MED27: variants seen among roughly 807,000 people sequenced by gnomAD.
MED27 encodes mediator complex subunit 27.
A neutral mutation model predicts 38.2 loss-of-function variants in MED27; 30 were observed. That is an observed-to-expected ratio of 0.79 (90% CI 0.59 to 1.07). The LOEUF is 1.07. MED27 is among the 50% of genes least tolerant of loss of function. MED27 has a pLI of 0.00. For synonymous variants in MED27, 122 were observed against 153.5 expected (o/e 0.79, Z 1.52); for missense variants, 289 against 397.5 (o/e 0.73, Z 2.32).
rs59965054 is a variant in MED27, at chr9:132,060,502, T to G, written c.348+16940A>C. On this transcript the variant is annotated intron_variant, in intron 2 of 7. Transcript: ENST00000292035. ...TACTACTCCCCCTCCCACCCGACTG[T>G]GACCACTGCACGGTCCCACATGATG... Among the ~76,000 whole-genome samples the G allele has an allele frequency of 2.3e-3, 347 of 152,322 alleles. 1 individual carries two copies. The highest frequency in any genetic ancestry group is 8.0e-3 in the African/African-American group (334 of 41,568).
chr9:131,929,874 G>A (rs912176219), intron 4 of MED27, among the ~76,000 whole-genome samples: 2 of 152,234 alleles, frequency 1.3e-5, no homozygotes, highest in African/African-American at 2.4e-5. Context: ...TGACTGTAGA[G>A]TCCTAGCACC....
At chr9:131,921,813 A>G (rs1830396812) in intron 4 of MED27, among the ~76,000 whole-genome samples, 1 of 152,256 alleles carries the variant, frequency 6.6e-6, no homozygotes. Flanking sequence ...AAAATGTGGT[A>G]CATACACACC....
chr9:131,967,084 G>A (rs1220690482), intron 3 of MED27, among the ~76,000 whole-genome samples: 2 of 152,246 alleles, frequency 1.3e-5, no homozygotes, highest in African/African-American at 4.8e-5. Flanking sequence ...TATGATATGT[G>A]CTTGATATGC....
At chr9:132,052,029 T>G (rs1026993537) in intron 2 of MED27, among the ~76,000 whole-genome samples, 2 of 152,156 alleles carry the variant, frequency 1.3e-5, no homozygotes, top group Non-Finnish European at 2.9e-5. Context: ...ATCCGTGACT[T>G]GCCTCATCCA....
At chr9:131,977,865 C>T (rs186957939) in intron 3 of MED27, among the ~76,000 whole-genome samples, 174 of 152,324 alleles carry the variant, frequency 1.1e-3, no homozygotes, top group African/African-American at 4.0e-3. Flanking sequence ...AGTTATACCA[C>T]AGAGCAACCA....
chr9:131,997,486 A>G lies in MED27; in HGVS notation c.479+16851T>C, dbSNP rs1832115358. On this transcript the variant is annotated intron_variant, in intron 3 of 7. Transcript: ENST00000292035. The surrounding 1 kb of genome is among the most constrained non-coding windows in gnomAD (Gnocchi z 4.0). ...TTGGCCAACACAGGACAAGGCAGGT[A>G]ACCCTGCTGCAGAGATCCCCTGGGT... Among the ~76,000 whole-genome samples, 1 of 152,212 alleles carries G rather than the reference A, an allele frequency of 6.6e-6. No individual in the cohort carries two copies. Among genetic ancestry groups the G allele is most frequent in the African/African-American group, 2.4e-5 (1 of 41,446 alleles).
chr9:131,968,471 CAAAAAAA>C (rs10556528), intron 3 of MED27, among the ~76,000 whole-genome samples: 9 of 98,426 alleles, frequency 9.1e-5, no homozygotes, highest in Non-Finnish European at 1.4e-4. Context: ...GACCCTGTCT[CAAAAAAA>C]AAAAAAAAAA....
chr9:131,931,299 A>G (rs1024319774), intron 4 of MED27, among the ~76,000 whole-genome samples: 5 of 152,116 alleles, frequency 3.3e-5, no homozygotes, highest in African/African-American at 1.2e-4. Context: ...ACAACAGATT[A>G]TAAGATAGTA....
At chr9:132,034,754 C>T (rs1433338159) in intron 2 of MED27, among the ~76,000 whole-genome samples, 2 of 152,114 alleles carry the variant, frequency 1.3e-5, no homozygotes, top group South Asian at 2.1e-4. Flanking sequence ...TTCACCTTCT[C>T]GACTGGCTAT....
At chr9:131,936,147 A>AG (rs1554757789) in intron 4 of MED27, among the ~76,000 whole-genome samples, 1 of 150,470 alleles carries the variant, frequency 6.6e-6, no homozygotes, top group African/African-American at 2.5e-5. Flanking sequence ...AAAAAAAAAA[A>AG]AAAGAAAGAA....
rs887450678 is a variant in MED27, at chr9:131,983,605, T to C, written c.479+30732A>G. Among the ~76,000 whole-genome samples the C allele has an allele frequency of 1.6e-4, 25 of 152,236 alleles. 1 individual carries two copies. Among genetic ancestry groups the C allele is most frequent in the Admixed American group, 3.3e-4 (5 of 15,288 alleles). On this transcript the variant is annotated intron_variant, in intron 3 of 7. Transcript: ENST00000292035. ...TGAATATTTTTAGCATCTAAAAATG[T>C]GCATTTCAGGCAGATATGTAAATAT...
chr9:131,869,148 A>G (rs1838785154), intron 6 of MED27: 1 of 985,304 alleles, frequency 1.0e-6, no homozygotes. Context: ...AATTACAGAA[A>G]TATTTTAATA....
At chr9:131,923,692 C>T (rs1830435481) in intron 4 of MED27, among the ~76,000 whole-genome samples, 1 of 152,180 alleles carries the variant, frequency 6.6e-6, no homozygotes. Flanking sequence ...GCCTCCCCAA[C>T]ACACACCTGC....
intron 2 of MED27, among the ~76,000 whole-genome samples, chr9:132,053,852 C>A (rs1273691166): frequency 6.6e-6 from 1 of 151,796 alleles, no homozygotes; most frequent in Non-Finnish European, 1.5e-5. Context: ...CAGGGGAACA[C>A]TGTTTCTCAT....
intron 3 of MED27, among the ~76,000 whole-genome samples, chr9:131,976,888 A>G (rs1474354700): frequency 6.6e-6 from 1 of 152,242 alleles, no homozygotes; most frequent in Non-Finnish European, 1.5e-5. Context: ...TAAGAACACT[A>G]TAATTAAAAG....
At chr9:131,956,950 G>A (rs1831117223) in intron 3 of MED27, among the ~76,000 whole-genome samples, 2 of 152,088 alleles carry the variant, frequency 1.3e-5, no homozygotes, top group African/African-American at 4.8e-5. Context: ...CCTAAAAGGA[G>A]GCTCAACATC....
intron 2 of MED27, among the ~76,000 whole-genome samples, chr9:132,070,863 C>G (rs909679174): frequency 2.0e-5 from 3 of 151,882 alleles, no homozygotes; most frequent in Admixed American, 6.6e-5. Context: ...AACTGCCCCC[C>G]ACACACTAAT....
intron 2 of MED27, among the ~76,000 whole-genome samples, chr9:132,043,863 A>G (rs1278623679): frequency 6.6e-6 from 1 of 152,232 alleles, no homozygotes; most frequent in African/African-American, 2.4e-5. Flanking sequence ...GATGACATGC[A>G]GGTCCCACCT....
chr9:131,878,964 C>G (rs1221207928), intron 6 of MED27, among the ~76,000 whole-genome samples: 2 of 152,150 alleles, frequency 1.3e-5, no homozygotes, highest in Non-Finnish European at 2.9e-5. Context: ...AACCTGTTAG[C>G]AGCCATAGAC....
Sources: allele counts gnomAD v4.1 joint callset (sites outside exome capture counted in the v4.1 genomes callset), GRCh38; gene constraint gnomAD v4.1.1; non-coding constraint Gnocchi (gnomAD v3.1); transcripts MANE v1.5; gene names NCBI Gene and HGNC (gene_info 2026-07-23, HGNC 2026-07-21).